Variants in SORBS2 observed in about 807,000 individuals in gnomAD.
SORBS2 encodes the protein sorbin and SH3 domain containing 2, also known as sorbin and SH3 domain-containing protein 2.
In SORBS2, 46 loss-of-function variants were observed where a neutral mutation model predicts 97.7. The observed-to-expected ratio is 0.47, with a 90% confidence interval of 0.37 to 0.60. The LOEUF is 0.60. Among genes scored for constraint, SORBS2 ranks in the 20% least tolerant of loss-of-function variants. SORBS2 has a pLI of 0.00. For missense variants in SORBS2, 1,316 were observed against 1,282.3 expected, an observed-to-expected ratio of 1.03 and a Z score of -0.40; for synonymous variants, 476 against 473.4, an observed-to-expected ratio of 1.01 and a Z score of -0.07.
chr4:185,844,306 G>A (rs940138082), intron 1 of SORBS2, among the ~76,000 whole-genome samples: 4 of 152,154 alleles, frequency 2.6e-5, no homozygotes, highest in Non-Finnish European at 5.9e-5. Context: ...GGCTCAAAGA[G>A]ACATTTCTCT....
chr4:185,933,872 T>C (rs1171915580), intron 1 of SORBS2, among the ~76,000 whole-genome samples: 2 of 152,216 alleles, frequency 1.3e-5, no homozygotes, highest in Admixed American at 6.5e-5. Flanking sequence ...CCACCTGATA[T>C]GAAGACCCTT....
chr4:185,939,746 G>A (rs372397562), intron 1 of SORBS2, among the ~76,000 whole-genome samples: 6 of 152,210 alleles, frequency 3.9e-5, no homozygotes, highest in Admixed American at 6.5e-5. Context: ...CCAACCTCAC[G>A]TGATCTGCCC....
chr4:185,849,301 C>A (rs1175593944), intron 1 of SORBS2, among the ~76,000 whole-genome samples: 1 of 152,224 alleles, frequency 6.6e-6, no homozygotes, highest in Middle Eastern at 3.4e-3. Flanking sequence ...AAACCCACTG[C>A]GAATTCCGAC....
rs2099235910 is a variant in SORBS2 at position 185,879,688 on chromosome 4, CCTGA to C, written c.-338+76504_-338+76507del. ...ACATCCTCTCCAGCACCTGTTGTTT[CCTGA>C]CTTTTTAATGATCGCCATTCTAACA... On this transcript the variant is annotated intron_variant, in intron 1 of 20. Transcript: ENST00000284776. 5.0e-5 allele frequency among the ~76,000 whole-genome samples: 7 copies of C among 138,700 alleles called. No individual in the cohort carries two copies. The South Asian group carries it at 1.7e-3, about 33-fold the overall frequency. 91.0% of individuals were successfully genotyped at this position (138,700 alleles called of 152,430 possible).
intron 1 of SORBS2, among the ~76,000 whole-genome samples, chr4:185,824,417 A>T (rs2099198623): frequency 6.6e-6 from 1 of 152,190 alleles, no homozygotes; most frequent in Non-Finnish European, 1.5e-5. Flanking sequence ...GCCTTGTTAC[A>T]TCTGCAATGA....
chr4:185,731,862 CTCTCTATATATATATATATATATATA>C (rs1224214011), intron 2 of SORBS2, among the ~76,000 whole-genome samples: 46 of 30,580 alleles, frequency 1.5e-3, no homozygotes, highest in South Asian at 6.5e-3. Context: ...CTCTCTCTCT[CTCTCTATATATATATATATATATATA>C]TATATATATA....
rs573932382 is a variant in SORBS2, at chr4:185,905,661, A to G, written c.-338+50535T>C. On this transcript the variant is annotated intron_variant, in intron 1 of 20. Transcript: ENST00000284776. ...TATGTTTTTCTACAGGTGCGGTCTT[A>G]CTAAGTTGCCCAGGCTGGTCTTGTA... Among the ~76,000 whole-genome samples, 321 of 152,264 alleles carry G rather than the reference A, an allele frequency of 2.1e-3. 1 individual carries two copies. The highest frequency in any genetic ancestry group is 7.4e-3 in the African/African-American group (307 of 41,556).
intron 2 of SORBS2, among the ~76,000 whole-genome samples, chr4:185,711,886 G>T (rs11132336): frequency 6.6e-6 from 1 of 151,974 alleles, no homozygotes; most frequent in Admixed American, 6.5e-5. Flanking sequence ...CGTGCTCCCC[G>T]CCACCTATCC....
chr4:185,835,055 C>T (rs965492342), intron 1 of SORBS2, among the ~76,000 whole-genome samples: 9 of 152,230 alleles, frequency 5.9e-5, no homozygotes, highest in Admixed American at 3.3e-4. Context: ...TAAAAGTGTG[C>T]GGCAGCTCCC....
intron 4 of SORBS2, among the ~76,000 whole-genome samples, chr4:185,633,451 C>G (rs2096939613): frequency 6.6e-6 from 1 of 150,598 alleles, no homozygotes; most frequent in Non-Finnish European, 1.5e-5. Context: ...CAACTACTGG[C>G]AAAGTGCTTT....
chr4:185,637,786 G>A (rs765342166), intron 4 of SORBS2, among the ~76,000 whole-genome samples: 5 of 152,060 alleles, frequency 3.3e-5, no homozygotes, highest in Non-Finnish European at 7.4e-5. Flanking sequence ...CTATACAGCT[G>A]TAATAATTGT....
intron 1 of SORBS2, among the ~76,000 whole-genome samples, chr4:185,930,987 T>C (rs1262645936): frequency 6.6e-6 from 1 of 152,214 alleles, no homozygotes; most frequent in African/African-American, 2.4e-5. Flanking sequence ...ATTTCATTAA[T>C]AGTAAGTTAG....
At chr4:185,891,446 A>T (rs1039464638) in intron 1 of SORBS2, among the ~76,000 whole-genome samples, 1 of 152,222 alleles carries the variant, frequency 6.6e-6, no homozygotes, top group African/African-American at 2.4e-5. Flanking sequence ...TAAGGAACAG[A>T]CGTACACAAT....
chr4:185,669,672 A>G (rs2097678613), intron 4 of SORBS2, among the ~76,000 whole-genome samples: 1 of 152,190 alleles, frequency 6.6e-6, no homozygotes, highest in Non-Finnish European at 1.5e-5. Flanking sequence ...GAAAATCAAC[A>G]TCAATGCAAA....
intron 1 of SORBS2, among the ~76,000 whole-genome samples, chr4:185,909,985 GAA>G (rs142443290): frequency 0.39 from 43,950 of 112,808 alleles, 6,722 homozygotes; most frequent in East Asian, 0.54. Flanking sequence ...CTCCATCTCA[GAA>G]AAAAAAAAAA....
rs770114653 is a variant in SORBS2, at chr4:185,649,534, CTGGGGAGGACGCATCCTTAAAGGCAT to C, written c.188_213del (p.Asn63SerfsTer25). 1 of 1,604,934 alleles carries C rather than the reference CTGGGGAGGACGCATCCTTAAAGGCAT, an allele frequency of 6.2e-7. No individual in the cohort carries two copies. Among genetic ancestry groups the C allele is most frequent in the Non-Finnish European group, 8.5e-7 (1 of 1,175,574 alleles). On this transcript the variant is annotated frameshift_variant, in exon 3 of 15. Coordinates refer to ENST00000418609, the Ensembl canonical transcript of SORBS2. LOFTEE classifies it high-confidence loss of function. ...GGAGGTGGAACATGTGGGGGAGGCACTGGGGAGGACGCATCCTTAAAGGCATTGGGGCTGTTGTCGGAGTGGCTTTT... is the reference window on the plus strand; with the variant it reads ...GGAGGTGGAACATGTGGGGGAGGCACTGGGGCTGTTGTCGGAGTGGCTTTT...
At chr4:185,953,611 T>C (rs903683992) in intron 1 of SORBS2, among the ~76,000 whole-genome samples, 23 of 152,306 alleles carry the variant, frequency 1.5e-4, no homozygotes, top group Non-Finnish European at 2.6e-4. Context: ...AGCTGAAAGA[T>C]GAAAGAGACT....
chr4:185,733,023 C>G (rs1003457835), intron 2 of SORBS2, among the ~76,000 whole-genome samples: 8 of 152,210 alleles, frequency 5.3e-5, no homozygotes, highest in South Asian at 2.1e-4. Flanking sequence ...GCTGCTGGAG[C>G]CTTCACAGGC....
chr4:185,914,322 G>T (rs921870987), intron 1 of SORBS2, among the ~76,000 whole-genome samples: 4 of 152,154 alleles, frequency 2.6e-5, no homozygotes, highest in African/African-American at 9.7e-5. Context: ...ACTGACTCTT[G>T]CCTCAGTAAA....
Sources: gnomAD v4.1 joint callset for allele counts (sites outside exome capture counted in the v4.1 genomes callset) on GRCh38, gnomAD v4.1.1 for gene constraint, MANE v1.5 for transcripts, NCBI Gene and HGNC (gene_info 2026-07-23, HGNC 2026-07-21) for gene names.